PLAAT1: variants seen among roughly 807,000 people sequenced by gnomAD.
PLAAT1 encodes the protein H-REV107 protein-related protein.
In PLAAT1, 13 loss-of-function variants were observed where a neutral mutation model predicts 16.4. That is an observed-to-expected ratio of 0.79 (90% CI 0.52 to 1.26). The LOEUF is 1.26. PLAAT1 is among the 50% of genes most tolerant of loss of function. The pLI is 0.00. For missense variants in PLAAT1, 218 were observed against 207.8 expected (o/e 1.05, Z -0.30); for synonymous variants, 73 against 78.4 (o/e 0.93, Z 0.36).
Position 193,270,560 on chromosome 3 carries a change from TTAGAA to T in PLAAT1, c.406-41_406-37del, listed in dbSNP as rs760713812. On this transcript the variant is annotated intron_variant, in intron 3 of 3. Coordinates refer to ENST00000264735, the MANE Select transcript of PLAAT1 (RefSeq NM_020386.5). The stretch of plus-strand genomic sequence containing the variant: ...AGCTTCATTTAGGACACAGATGTCT[TTAGAA>T]TATGATGTGTTTTTTGTTTACTTCT... 3.8e-6 allele frequency: 6 copies of T among 1,584,816 alleles called. No homozygotes were observed. The Admixed American group carries it at 8.8e-5, about 23-fold the overall frequency.
chr3:193,280,299 G>C (rs187703950), downstream of PLAAT1, among the ~76,000 whole-genome samples: 1 of 151,992 alleles, frequency 6.6e-6, no homozygotes, highest in Non-Finnish European at 1.5e-5. Flanking sequence ...CGATCCACCC[G>C]CCTCGGCCTC....
At chr3:193,280,854 A>G (rs1367081088), downstream of PLAAT1, among the ~76,000 whole-genome samples, 1 of 152,080 alleles carries the variant, frequency 6.6e-6, no homozygotes, top group Non-Finnish European at 1.5e-5. Flanking sequence ...CTTACACTCT[A>G]CCTCATTTAT....
At chr3:193,242,383 G>C (rs1283981300) in intron 1 of PLAAT1, among the ~76,000 whole-genome samples, 2 of 152,082 alleles carry the variant, frequency 1.3e-5, no homozygotes, top group African/African-American at 4.8e-5. Flanking sequence ...AAGACAATCC[G>C]ACCTGGGGAG....
At chr3:193,249,103 C>T (rs950623801) in intron 1 of PLAAT1, among the ~76,000 whole-genome samples, 1 of 152,042 alleles carries the variant, frequency 6.6e-6, no homozygotes, top group African/African-American at 2.4e-5. Flanking sequence ...TCTTGGTTGG[C>T]AGGGTTTTTT....
chr3:193,263,103 C>G lies in PLAAT1; in HGVS notation c.273C>G (p.Pro91=). ...ACAATAAATACGATGAAACGTACCC[C>G]CCTCTCCCTGTGGAAGAAATCATAA... The part of the protein sequence containing the change: ...RINNKYDETY[P]PLPVEEIIKR... Residue 91 remains proline (P), a synonymous_variant, in exon 3 of 4, where the codon CCC becomes CCG. Coordinates refer to ENST00000264735, the MANE Select transcript of PLAAT1 (RefSeq NM_020386.5). The G allele has an allele frequency of 6.2e-7, 1 of 1,614,140 alleles. No individual in the cohort carries two copies. Among genetic ancestry groups the G allele is most frequent in the South Asian group, 1.1e-5 (1 of 91,072 alleles).
intron 2 of PLAAT1, among the ~76,000 whole-genome samples, chr3:193,259,504 G>T (rs1716506519): frequency 6.6e-6 from 1 of 152,048 alleles, no homozygotes; most frequent in South Asian, 2.1e-4. Flanking sequence ...AAGCCTCCTG[G>T]AACTGATAAA....
chr3:193,264,457 A>G (rs1716703451), intron 3 of PLAAT1, among the ~76,000 whole-genome samples: 2 of 151,828 alleles, frequency 1.3e-5, no homozygotes, highest in South Asian at 2.1e-4. Context: ...AGAAATGCCT[A>G]TTAAGATTAT....
upstream of PLAAT1, chr3:193,241,136 GC>G: frequency 9.3e-7 from 1 of 1,080,994 alleles, no homozygotes; most frequent in Non-Finnish European, 1.2e-6. Context: ...GGGCGGGCGG[GC>G]GGGCGAAGCT....
At chr3:193,271,987 C>G (rs145409710), downstream of PLAAT1, among the ~76,000 whole-genome samples, 746 of 152,202 alleles carry the variant, frequency 4.9e-3, 7 homozygotes, top group African/African-American at 0.017. Context: ...ATGGCATCAA[C>G]TCTGTCTCCA....
chr3:193,250,704 G>T (rs1244879967), intron 1 of PLAAT1, among the ~76,000 whole-genome samples: 9 of 152,078 alleles, frequency 5.9e-5, no homozygotes, highest in African/African-American at 2.2e-4. Context: ...GTCTGAACAA[G>T]CAGAAATCTC....
downstream of PLAAT1, among the ~76,000 whole-genome samples, chr3:193,271,016 T>C (rs1321884615): frequency 2.0e-5 from 3 of 152,184 alleles, no homozygotes; most frequent in Non-Finnish European, 2.9e-5. Context: ...TCCCCAAGGG[T>C]GGCCATTTTG....
At chr3:193,240,684 T>TGTGTGTGTGG (rs1198933933), upstream of PLAAT1, among the ~76,000 whole-genome samples, 79 of 145,422 alleles carry the variant, frequency 5.4e-4, no homozygotes, top group Non-Finnish European at 8.7e-4. Context: ...TGTGTGTGTG[T>TGTGTGTGTGG]GGTTGGAGGT....
At chr3:193,240,965 C>T (rs892913576), upstream of PLAAT1, among the ~76,000 whole-genome samples, 53 of 152,290 alleles carry the variant, frequency 3.5e-4, no homozygotes, top group Middle Eastern at 3.4e-3. Flanking sequence ...GCCTGGTGCC[C>T]TAAACGTTGG....
intron 1 of PLAAT1, among the ~76,000 whole-genome samples, chr3:193,241,908 G>C (rs1239206502): frequency 6.6e-6 from 1 of 152,174 alleles, no homozygotes; most frequent in Non-Finnish European, 1.5e-5. Context: ...AGTCACTCAT[G>C]TTTTCTCTGG....
chr3:193,245,181 ACTT>A (rs1210733837), intron 1 of PLAAT1, among the ~76,000 whole-genome samples: 1 of 151,940 alleles, frequency 6.6e-6, no homozygotes, highest in African/African-American at 2.4e-5. Flanking sequence ...CCTTTGATCC[ACTT>A]CTTCCCTTTC....
downstream of PLAAT1, chr3:193,275,316 T>A: frequency 6.2e-7 from 1 of 1,610,778 alleles, no homozygotes; most frequent in Non-Finnish European, 8.5e-7. Flanking sequence ...AAAAATCAGA[T>A]GGGAAAACAA....
intron 2 of PLAAT1, chr3:193,276,698 T>G: frequency 4.9e-5 from 65 of 1,322,642 alleles, no homozygotes; most frequent in Non-Finnish European, 6.0e-5. Context: ...CTGCTGAAAA[T>G]GAGATCCTTA....
intron 1 of PLAAT1, among the ~76,000 whole-genome samples, chr3:193,254,678 C>T (rs911196826): frequency 2.0e-4 from 30 of 152,112 alleles, no homozygotes; most frequent in African/African-American, 1.4e-4. Flanking sequence ...GTGATGAACT[C>T]ACCAGCTTTC....
intron 1 of PLAAT1, among the ~76,000 whole-genome samples, chr3:193,243,095 G>C (rs1359827732): frequency 6.6e-6 from 1 of 152,186 alleles, no homozygotes; most frequent in East Asian, 1.9e-4. Context: ...CAGTTGGCCA[G>C]TTGAAATGGG....
Sources: allele counts gnomAD v4.1 joint callset (sites outside exome capture counted in the v4.1 genomes callset), GRCh38; gene constraint gnomAD v4.1.1; transcripts MANE v1.5; gene names NCBI Gene and HGNC (gene_info 2026-07-23, HGNC 2026-07-21).